FMN1: variants seen among roughly 807,000 people sequenced by gnomAD.
The protein encoded by FMN1 is formin-1.
Under a neutral mutation model 132.4 loss-of-function variants are expected in FMN1, and 110 were observed. The ratio of observed to expected loss-of-function variants is 0.83; its 90% confidence interval spans 0.71 to 0.97. The LOEUF is 0.97. Ranked by LOEUF, FMN1 falls within the 50% of genes least tolerant of loss-of-function variation. The pLI, the probability that FMN1 is intolerant of heterozygous loss-of-function variation, is 0.00. For missense variants in FMN1, 1,792 were observed against 1,705.3 expected, an observed-to-expected ratio of 1.05 and a Z score of -0.90; for synonymous variants, 722 against 651.7, an observed-to-expected ratio of 1.11 and a Z score of -1.64.
intron 6 of FMN1, among the ~76,000 whole-genome samples, chr15:33,039,235 G>A (rs1484074624): frequency 2.0e-5 from 3 of 152,130 alleles, no homozygotes; most frequent in Non-Finnish European, 4.4e-5. Flanking sequence ...GGAACTGAGG[G>A]AAGGGTGGGT....
At chr15:33,190,550 A>C (rs926595599) in intron 2 of FMN1, among the ~76,000 whole-genome samples, 2 of 152,290 alleles carry the variant, frequency 1.3e-5, no homozygotes, top group East Asian at 1.9e-4. Context: ...ATGTGGATAG[A>C]TACTCACGTG....
intron 17 of FMN1, among the ~76,000 whole-genome samples, chr15:32,810,051 C>T (rs2057820015): frequency 6.6e-6 from 1 of 152,108 alleles, no homozygotes; most frequent in African/African-American, 2.4e-5. Flanking sequence ...TCCCAAGTAG[C>T]TGGGATTATA....
chr15:33,023,062 A>AG (rs1213607643), intron 6 of FMN1, among the ~76,000 whole-genome samples: 2 of 52,484 alleles, frequency 3.8e-5, no homozygotes, highest in Non-Finnish European at 1.0e-4. Context: ...CCCCACCCAA[A>AG]AAAAAAAAAA....
chr15:32,847,468 C>G (rs1369361389), intron 17 of FMN1, among the ~76,000 whole-genome samples: 5 of 152,022 alleles, frequency 3.3e-5, no homozygotes. Flanking sequence ...CGTGGTGGCT[C>G]GTGCCTGTAA....
At chr15:32,880,666 A>T (rs1413629810) in intron 16 of FMN1, among the ~76,000 whole-genome samples, 1 of 152,322 alleles carries the variant, frequency 6.6e-6, no homozygotes, top group East Asian at 1.9e-4. Context: ...AAATGTTTTT[A>T]ATCTGTCCTC....
At chr15:32,991,941 A>G (rs571839004) in intron 7 of FMN1, among the ~76,000 whole-genome samples, 3 of 152,336 alleles carry the variant, frequency 2.0e-5, no homozygotes, top group African/African-American at 7.2e-5. Context: ...GATTAAAATG[A>G]AAAGTTTAAA....
intron 5 of FMN1, among the ~76,000 whole-genome samples, chr15:33,069,550 T>G (rs1466855765): frequency 6.6e-6 from 1 of 152,194 alleles, no homozygotes; most frequent in Non-Finnish European, 1.5e-5. Flanking sequence ...CAGGAGTGGG[T>G]GGCTGCATGT....
chr15:32,899,837 C>CA (rs929308025), intron 14 of FMN1, 142 bp downstream of exon 14: 28 of 777,696 alleles, frequency 3.6e-5, no homozygotes, highest in East Asian at 1.1e-4. Flanking sequence ...AGAAAGCAAA[C>CA]AAAAAAATGC....
chr15:32,835,102 T>A (rs2058591717), intron 17 of FMN1, among the ~76,000 whole-genome samples: 1 of 152,134 alleles, frequency 6.6e-6, no homozygotes. Flanking sequence ...CCTTTCTACC[T>A]AAAAGCACAA....
rs1413609235 is a variant in FMN1, at chr15:32,962,663, C to T, written c.3138+1444G>A. Among the ~76,000 whole-genome samples, 4 of 149,204 alleles carry T rather than the reference C, an allele frequency of 2.7e-5. No homozygotes were observed. The South Asian group carries it at 8.5e-4, about 32-fold the overall frequency. ...ATTTACAAGAAAAAAACAAACAACC[C>T]CATCAAAAAGTGGGCGAAGGACATG... On this transcript the variant is annotated intron_variant, in intron 9 of 20. Transcript: ENST00000616417.
At chr15:32,838,901 C>T (rs1012254097) in intron 17 of FMN1, among the ~76,000 whole-genome samples, 1 of 152,162 alleles carries the variant, frequency 6.6e-6, no homozygotes, top group Non-Finnish European at 1.5e-5. Flanking sequence ...TTATCTCATG[C>T]TTGCACGACG....
chr15:33,130,531 A>C (rs3929217), intron 4 of FMN1, among the ~76,000 whole-genome samples: 1 of 152,112 alleles, frequency 6.6e-6, no homozygotes, highest in African/African-American at 2.4e-5. Flanking sequence ...GAGTATGTGC[A>C]AACATTAAAA....
intron 5 of FMN1, among the ~76,000 whole-genome samples, chr15:33,081,336 C>A (rs754868826): frequency 2.0e-5 from 3 of 152,094 alleles, no homozygotes; most frequent in African/African-American, 7.2e-5. Flanking sequence ...AATTGATATA[C>A]GTATTTTGGG....
At chr15:33,093,688 A>C (rs944541790) in intron 4 of FMN1, among the ~76,000 whole-genome samples, 2 of 152,162 alleles carry the variant, frequency 1.3e-5, no homozygotes, top group Admixed American at 6.5e-5. Flanking sequence ...GTATGTGGGG[A>C]GAGAAATGAT....
chr15:33,018,079 A>G (rs1180496146), intron 6 of FMN1, among the ~76,000 whole-genome samples: 1 of 151,884 alleles, frequency 6.6e-6, no homozygotes, highest in Non-Finnish European at 1.5e-5. Flanking sequence ...AAAAAAAAAA[A>G]AAAAATTTAT....
At chr15:33,073,971 T>G (rs2038098620) in intron 5 of FMN1, among the ~76,000 whole-genome samples, 2 of 152,178 alleles carry the variant, frequency 1.3e-5, no homozygotes, top group African/African-American at 4.8e-5. Context: ...CTTCAAGTAA[T>G]CTGCCCACCT....
At chr15:33,139,371 C>A (rs1252195646) in intron 4 of FMN1, among the ~76,000 whole-genome samples, 2 of 152,124 alleles carry the variant, frequency 1.3e-5, no homozygotes, top group Non-Finnish European at 2.9e-5. Flanking sequence ...CCGAGGCGGG[C>A]GGATCACAAG....
chr15:33,040,254 T>G (rs747632182), intron 6 of FMN1, among the ~76,000 whole-genome samples: 4 of 152,254 alleles, frequency 2.6e-5, no homozygotes, highest in Non-Finnish European at 5.9e-5. Flanking sequence ...TCCTAATTAC[T>G]TATGTAGGAC....
At chr15:32,839,794 C>T (rs748764193) in intron 17 of FMN1, among the ~76,000 whole-genome samples, 6 of 150,594 alleles carry the variant, frequency 4.0e-5, no homozygotes, top group Non-Finnish European at 8.9e-5. Flanking sequence ...CACTGCTTAG[C>T]TCACAGGTAT....
Sources: allele counts gnomAD v4.1 joint callset (sites outside exome capture counted in the v4.1 genomes callset), GRCh38; gene constraint gnomAD v4.1.1; transcripts MANE v1.5; gene names NCBI Gene and HGNC (gene_info 2026-07-23, HGNC 2026-07-21).